Variants in CTNNA3 observed in about 807,000 individuals in gnomAD.
CTNNA3 encodes the protein catenin alpha 3, also known as catenin alpha-3.
Under a neutral mutation model 95.7 loss-of-function variants are expected in CTNNA3, and 76 were observed. That is an observed-to-expected ratio of 0.79 (90% CI 0.66 to 0.96). The LOEUF is 0.96. Among genes scored for constraint, CTNNA3 ranks in the 40% least tolerant of loss-of-function variants. The pLI is 0.00. For synonymous variants in CTNNA3, 431 were observed against 374.4 expected (o/e 1.15, Z -1.74); for missense variants, 1,191 against 1,089.8 (o/e 1.09, Z -1.31).
At chr10:66,040,862 A>G (rs2079672217) in intron 15 of CTNNA3, among the ~76,000 whole-genome samples, 1 of 152,154 alleles carries the variant, frequency 6.6e-6, no homozygotes, top group Non-Finnish European at 1.5e-5. Context: ...CTGTACATGT[A>G]TCCCTGAACT....
At chr10:66,928,343 C>A (rs1847190275) in intron 7 of CTNNA3, 2 of 1,614,136 alleles carry the variant, frequency 1.2e-6, no homozygotes, top group Non-Finnish European at 1.7e-6. Flanking sequence ...ACTCCCAGCA[C>A]CCAGGAATTT....
intron 7 of CTNNA3, among the ~76,000 whole-genome samples, chr10:66,815,342 T>C (rs576018160): frequency 6.6e-6 from 1 of 152,214 alleles, no homozygotes; most frequent in Admixed American, 6.5e-5. Flanking sequence ...CCCAGTTCTG[T>C]GGCGGCCTTG....
upstream of CTNNA3, among the ~76,000 whole-genome samples, chr10:67,698,787 G>A (rs892491837): frequency 1.3e-5 from 2 of 151,578 alleles, no homozygotes; most frequent in Admixed American, 1.3e-4. Context: ...ACCTTGTCAG[G>A]TATTTTAGGT....
At chr10:67,736,478 C>T (rs1271840257) in intron 1 of CTNNA3, among the ~76,000 whole-genome samples, 9 of 120,846 alleles carry the variant, frequency 7.4e-5, no homozygotes, top group Non-Finnish European at 1.3e-4. Context: ...TTTTTTGAGA[C>T]GGAGTCTCTC....
At chr10:65,980,308 T>C (rs1238832014) in intron 16 of CTNNA3, among the ~76,000 whole-genome samples, 2 of 151,654 alleles carry the variant, frequency 1.3e-5, no homozygotes, top group Admixed American at 6.6e-5. Context: ...GTCAATAATA[T>C]GCAGCGAGAT....
At chr10:67,028,655 A>AG (rs940434920) in intron 7 of CTNNA3, among the ~76,000 whole-genome samples, 3 of 151,980 alleles carry the variant, frequency 2.0e-5, no homozygotes, top group African/African-American at 7.2e-5. Context: ...ACTTAAAAAA[A>AG]AAAAAAAAAA....
chr10:67,394,808 G>C (rs1290139566), intron 5 of CTNNA3, among the ~76,000 whole-genome samples: 4 of 151,836 alleles, frequency 2.6e-5, no homozygotes, highest in Admixed American at 6.6e-5. Flanking sequence ...TTACTACATA[G>C]CTCAAAAGTG....
At chr10:67,454,566 T>C (rs1847104128) in intron 5 of CTNNA3, among the ~76,000 whole-genome samples, 1 of 152,166 alleles carries the variant, frequency 6.6e-6, no homozygotes, top group South Asian at 2.1e-4. Context: ...GGGAAAATGC[T>C]GGCCTCGCAT....
chr10:67,738,493 A>T, intron 1 of CTNNA3, among the ~76,000 whole-genome samples: 1 of 152,190 alleles, frequency 6.6e-6, no homozygotes, highest in East Asian at 1.9e-4. Flanking sequence ...TGGGGAAAAA[A>T]CAGAGCAGAA....
At chr10:67,004,601 T>C (rs1257434841) in intron 7 of CTNNA3, among the ~76,000 whole-genome samples, 1 of 152,196 alleles carries the variant, frequency 6.6e-6, no homozygotes, top group East Asian at 1.9e-4. Flanking sequence ...TCCGTTCTAA[T>C]AGAGGACTAC....
rs140776973 is a variant in CTNNA3 at position 66,273,323 on chromosome 10, C to T, written c.1884+7147G>A. Among the ~76,000 whole-genome samples the T allele has an allele frequency of 4.2e-4, 64 of 152,170 alleles. No individual in the cohort carries two copies. In the East Asian group the frequency reaches 0.012, roughly 29 times the overall value. The stretch of plus-strand genomic sequence containing the variant: ...GATGGACAAAGGGATGATTTACATC[C>T]CAGGCAGGACAGAATGGAACAGCAT... On this transcript the variant is annotated intron_variant, in intron 13 of 17. Transcript: ENST00000433211.
At chr10:67,761,136 A>G (rs1458623616) in intron 1 of CTNNA3, among the ~76,000 whole-genome samples, 5 of 152,174 alleles carry the variant, frequency 3.3e-5, no homozygotes, top group Admixed American at 6.5e-5. Flanking sequence ...TTGTGTATAT[A>G]AACATATCTA....
chr10:66,164,900 T>A (rs1389032858), intron 13 of CTNNA3, among the ~76,000 whole-genome samples: 1 of 152,154 alleles, frequency 6.6e-6, no homozygotes, highest in Non-Finnish European at 1.5e-5. Flanking sequence ...TTTAAATGAA[T>A]CTTCTGTAGG....
chr10:65,912,928 G>A lies in CTNNA3; in HGVS notation c.*7402C>T, dbSNP rs538892629. Reference sequence around the variant, plus strand: ...CCAAAGCACAAAACTGCTTTGAACTGGTCATTAATATAATGGGCAGTTCAT... The same window carrying A: ...CCAAAGCACAAAACTGCTTTGAACTAGTCATTAATATAATGGGCAGTTCAT... On this transcript the variant is annotated 3_prime_UTR_variant, in exon 18 of 18. Transcript: ENST00000433211. 1 of 152,192 alleles carries A rather than the reference G, an allele frequency of 6.6e-6. No individual in the cohort carries two copies. The highest frequency in any genetic ancestry group is 6.5e-5 in the Admixed American group (1 of 15,276). The allele number at this position is 152,192 out of a possible 1,614,324, so 9.4% of individuals were successfully genotyped here. A position where few individuals can be genotyped will look rare whatever the true frequency, so the allele number is the denominator to read the frequency against.
At chr10:67,444,265 T>C (rs116369402) in intron 5 of CTNNA3, among the ~76,000 whole-genome samples, 2,655 of 152,122 alleles carry the variant, frequency 0.017, 80 homozygotes, top group African/African-American at 0.061. Context: ...TACAAACATA[T>C]GAAAATTAAA....
intron 11 of CTNNA3, among the ~76,000 whole-genome samples, chr10:66,519,345 GAT>G (rs1482909911): frequency 6.6e-6 from 1 of 151,920 alleles, no homozygotes; most frequent in African/African-American, 2.4e-5. Flanking sequence ...GTTGTAGTTA[GAT>G]ATTTAGACTT....
At chr10:67,477,362 G>A (rs561893978) in intron 5 of CTNNA3, among the ~76,000 whole-genome samples, 24 of 152,188 alleles carry the variant, frequency 1.6e-4, no homozygotes, top group African/African-American at 5.3e-4. Flanking sequence ...ACCCCCGGGG[G>A]CAAAGCAGGG....
At chr10:66,042,929 A>AGAAAAAAAAAAAAAAAAAAAAAAAAT (rs2079732126) in intron 15 of CTNNA3, among the ~76,000 whole-genome samples, 1 of 141,582 alleles carries the variant, frequency 7.1e-6, no homozygotes, top group Non-Finnish European at 1.5e-5. Flanking sequence ...AAAAAAAAAA[A>AGAAAAAAAAAAAAAAAAAAAAAAAAT]GAAAATAAAA....
intron 7 of CTNNA3, among the ~76,000 whole-genome samples, chr10:66,996,524 T>G (rs906434541): frequency 1.3e-5 from 2 of 151,832 alleles, no homozygotes; most frequent in African/African-American, 4.8e-5. Context: ...GGCGCGTGCC[T>G]GTAGTCCCAG....
Sources: allele counts gnomAD v4.1 joint callset (sites outside exome capture counted in the v4.1 genomes callset), GRCh38; gene constraint gnomAD v4.1.1; transcripts MANE v1.5; gene names NCBI Gene and HGNC (gene_info 2026-07-23, HGNC 2026-07-21).